Variants in CCDC85A observed in about 807,000 individuals in gnomAD.
CCDC85A encodes the protein coiled-coil domain-containing protein 85A.
CCDC85A carries 38 observed loss-of-function variants against 50.2 expected under a neutral mutation model. That is an observed-to-expected ratio of 0.76 (90% CI 0.58 to 0.99). The LOEUF is 0.99. Among genes scored for constraint, CCDC85A ranks in the 50% least tolerant of loss-of-function variants. The pLI is 0.00. For synonymous variants in CCDC85A, 366 were observed against 301.4 expected (o/e 1.21, Z -2.22); for missense variants, 820 against 742.0 (o/e 1.11, Z -1.22).
chr2:56,279,009 C>G (rs1162973258), intron 2 of CCDC85A, among the ~76,000 whole-genome samples: 1 of 152,216 alleles, frequency 6.6e-6, no homozygotes, highest in African/African-American at 2.4e-5. Context: ...TGCCAAGGAT[C>G]AACATTCTTG....
intron 2 of CCDC85A, among the ~76,000 whole-genome samples, chr2:56,305,481 CTG>C (rs1302745715): frequency 6.6e-6 from 1 of 152,188 alleles, no homozygotes; most frequent in Non-Finnish European, 1.5e-5. Flanking sequence ...TGTAATCCCT[CTG>C]TGTTTATAGA....
intron 2 of CCDC85A, among the ~76,000 whole-genome samples, chr2:56,335,577 A>G (rs1472480331): frequency 6.6e-6 from 1 of 151,304 alleles, no homozygotes; most frequent in Non-Finnish European, 1.5e-5. Flanking sequence ...GGCTGAAGGT[A>G]AGACAGCAAG....
chr2:56,323,885 C>A (rs1673340492), intron 2 of CCDC85A, among the ~76,000 whole-genome samples: 1 of 152,026 alleles, frequency 6.6e-6, no homozygotes, highest in African/African-American at 2.4e-5. Flanking sequence ...ACATAGAGAA[C>A]AAATAGAATA....
intron 2 of CCDC85A, among the ~76,000 whole-genome samples, chr2:56,335,144 T>C (rs1010392086): frequency 2.0e-5 from 3 of 152,312 alleles, no homozygotes; most frequent in African/African-American, 4.8e-5. Context: ...GTGAGAAATA[T>C]AATCACTTAT....
chr2:56,263,378 T>G (rs2104029124), intron 2 of CCDC85A, among the ~76,000 whole-genome samples: 1 of 152,368 alleles, frequency 6.6e-6, no homozygotes, highest in African/African-American at 2.4e-5. Flanking sequence ...AATAATTTAC[T>G]TTTTGCCTTG....
chr2:56,235,476 AT>A (rs1255280694), intron 2 of CCDC85A: 1 of 149,474 alleles, frequency 6.7e-6, no homozygotes, highest in Non-Finnish European at 1.5e-5. Flanking sequence ...AAAAAGGTAA[AT>A]TAGGGAAAAG....
chr2:56,230,237 C>A (rs1668720741), intron 2 of CCDC85A, among the ~76,000 whole-genome samples: 1 of 152,148 alleles, frequency 6.6e-6, no homozygotes, highest in African/African-American at 2.4e-5. Context: ...CTAAACCCTT[C>A]TTTGCTTATG....
chr2:56,206,688 C>G (rs760180490), intron 2 of CCDC85A, among the ~76,000 whole-genome samples: 4 of 152,196 alleles, frequency 2.6e-5, no homozygotes, highest in Non-Finnish European at 5.9e-5. Flanking sequence ...TCTCCCAACA[C>G]TGCTGCATTG....
intron 2 of CCDC85A, among the ~76,000 whole-genome samples, chr2:56,321,176 C>T (rs1013264040): frequency 1.3e-5 from 2 of 152,060 alleles, no homozygotes; most frequent in Non-Finnish European, 2.9e-5. Context: ...AAACCCACAG[C>T]CAATATCATA....
At chr2:56,365,620 C>T (rs924431826) in intron 3 of CCDC85A, among the ~76,000 whole-genome samples, 1 of 152,090 alleles carries the variant, frequency 6.6e-6, no homozygotes, top group Non-Finnish European at 1.5e-5. Flanking sequence ...CAGTTAGTAT[C>T]TTTAAAAAAA....
At chr2:56,355,631 A>G (rs978638137) in intron 3 of CCDC85A, among the ~76,000 whole-genome samples, 8 of 152,256 alleles carry the variant, frequency 5.3e-5, no homozygotes, top group East Asian at 1.9e-4. Flanking sequence ...GAAAAATAAA[A>G]TAAGACAGCT....
At chr2:56,331,749 T>C (rs899271700) in intron 2 of CCDC85A, among the ~76,000 whole-genome samples, 3 of 152,232 alleles carry the variant, frequency 2.0e-5, no homozygotes, top group African/African-American at 7.2e-5. Context: ...ACACAGCACT[T>C]GCATGGCAGT....
chr2:56,335,860 A>G (rs558168894), intron 2 of CCDC85A, among the ~76,000 whole-genome samples: 2 of 152,072 alleles, frequency 1.3e-5, no homozygotes, highest in Non-Finnish European at 2.9e-5. Flanking sequence ...TCAGCCTGCT[A>G]AAGTGCTGGG....
intron 3 of CCDC85A, among the ~76,000 whole-genome samples, chr2:56,354,052 C>A (rs1000488262): frequency 6.6e-6 from 1 of 152,244 alleles, no homozygotes; most frequent in East Asian, 1.9e-4. Context: ...CACATGTTAT[C>A]TCATATTGCA....
intron 2 of CCDC85A, among the ~76,000 whole-genome samples, chr2:56,231,606 A>AT (rs765626061): frequency 0.01 from 1,508 of 148,426 alleles, 12 homozygotes; most frequent in Non-Finnish European, 0.016. Context: ...CCTTGGCAGT[A>AT]TTTTTTTTTT....
intron 2 of CCDC85A, among the ~76,000 whole-genome samples, chr2:56,253,294 G>T (rs541041605): frequency 1.3e-5 from 2 of 152,308 alleles, no homozygotes; most frequent in South Asian, 2.1e-4. Context: ...GACTAGAAAA[G>T]ATTCTTGAGG....
At chr2:56,382,268 A>G (rs1676622325) in intron 5 of CCDC85A, among the ~76,000 whole-genome samples, 1 of 152,022 alleles carries the variant, frequency 6.6e-6, no homozygotes, top group South Asian at 2.1e-4. Context: ...TAATAATGTC[A>G]CAGAAAAATA....
intron 2 of CCDC85A, among the ~76,000 whole-genome samples, chr2:56,222,590 A>G (rs1176941306): frequency 6.6e-6 from 1 of 152,130 alleles, no homozygotes; most frequent in African/African-American, 2.4e-5. Flanking sequence ...GCTATTAGGG[A>G]ACCCATCATG....
At chr2:56,224,509 T>G (rs1668461713) in intron 2 of CCDC85A, among the ~76,000 whole-genome samples, 1 of 152,206 alleles carries the variant, frequency 6.6e-6, no homozygotes, top group South Asian at 2.1e-4. Context: ...ATGATCTATG[T>G]GTAACATTTT....
Sources: allele counts gnomAD v4.1 joint callset (sites outside exome capture counted in the v4.1 genomes callset), GRCh38; gene constraint gnomAD v4.1.1; transcripts MANE v1.5; gene names NCBI Gene and HGNC (gene_info 2026-07-23, HGNC 2026-07-21).